Variants in ARSB observed in about 807,000 individuals in gnomAD.
ARSB encodes N-acetylgalactosamine-4-sulfatase.
Under a neutral mutation model 50.9 loss-of-function variants are expected in ARSB, and 41 were observed. The observed-to-expected ratio is 0.81, with a 90% confidence interval of 0.63 to 1.04. The LOEUF is 1.04. Ranked by LOEUF, ARSB falls within the 50% of genes least tolerant of loss-of-function variation. The pLI, the probability that ARSB is intolerant of heterozygous loss-of-function variation, is 0.00. For synonymous variants in ARSB, 269 were observed against 284.8 expected (o/e 0.94, Z 0.56); for missense variants, 672 against 693.3 (o/e 0.97, Z 0.35).
At chr5:78,966,375 T>C (rs1207193223) in intron 2 of ARSB, among the ~76,000 whole-genome samples, 1 of 150,292 alleles carries the variant, frequency 6.7e-6, no homozygotes, top group African/African-American at 2.4e-5. Flanking sequence ...AAATAGAAAA[T>C]GCTTCTTGAA....
At chr5:78,892,444 C>A (rs1193249319) in intron 4 of ARSB, among the ~76,000 whole-genome samples, 1 of 151,938 alleles carries the variant, frequency 6.6e-6, no homozygotes, top group African/African-American at 2.4e-5. Flanking sequence ...TTAGTGAAGA[C>A]AGGGTTTCGC....
intron 6 of ARSB, among the ~76,000 whole-genome samples, chr5:78,810,208 GC>G (rs1371178371): frequency 2.0e-5 from 3 of 152,218 alleles, no homozygotes; most frequent in Admixed American, 2.0e-4. Flanking sequence ...CGGGGACAGA[GC>G]CTGCTATTCA....
chr5:78,805,096 G>A (rs1195643419), intron 6 of ARSB, among the ~76,000 whole-genome samples: 5 of 152,346 alleles, frequency 3.3e-5, no homozygotes, highest in Middle Eastern at 3.4e-3. Context: ...ACACTGGAGA[G>A]TGAAACAGAG....
chr5:78,928,143 A>G (rs1157134981), intron 4 of ARSB, among the ~76,000 whole-genome samples: 1 of 151,992 alleles, frequency 6.6e-6, no homozygotes, highest in Admixed American at 6.6e-5. Context: ...ATGGGTCCAA[A>G]GGGCCTGGGA....
chr5:78,859,782 C>G (rs1013068937), intron 5 of ARSB, among the ~76,000 whole-genome samples: 10 of 152,038 alleles, frequency 6.6e-5, no homozygotes, highest in African/African-American at 2.4e-4. Context: ...TGCCTCCTCT[C>G]ACCCCGAATG....
At chr5:78,818,552 C>T (rs918795972) in intron 6 of ARSB, among the ~76,000 whole-genome samples, 7 of 151,122 alleles carry the variant, frequency 4.6e-5, no homozygotes, top group African/African-American at 1.7e-4. Flanking sequence ...TTTCAGAAAC[C>T]CCACTTTCCT....
chr5:78,969,262 C>G, intron 1 of ARSB, 70 bp from the exon 2 acceptor site: 1 of 1,519,480 alleles, frequency 6.6e-7, no homozygotes, highest in South Asian at 1.1e-5. Context: ...ATAAAATGGC[C>G]TTCTACCTTA....
chr5:78,809,896 A>G (rs772982303), intron 6 of ARSB, among the ~76,000 whole-genome samples: 7 of 152,080 alleles, frequency 4.6e-5, no homozygotes, highest in Non-Finnish European at 8.8e-5. Flanking sequence ...GGCCACAGAG[A>G]GGAATAGGGG....
At chr5:78,939,090 A>C (rs933184287) in intron 4 of ARSB, among the ~76,000 whole-genome samples, 6 of 152,046 alleles carry the variant, frequency 3.9e-5, no homozygotes, top group South Asian at 2.1e-4. Context: ...TGCTATGTGG[A>C]TTATGTGGGT....
chr5:78,893,746 T>C (rs1178981009), intron 4 of ARSB, among the ~76,000 whole-genome samples: 1 of 152,220 alleles, frequency 6.6e-6, no homozygotes, highest in Non-Finnish European at 1.5e-5. Context: ...TGCTCTCACT[T>C]AGGAGGTATG....
chr5:78,961,147 C>G (rs1751966066), intron 3 of ARSB, among the ~76,000 whole-genome samples: 2 of 152,074 alleles, frequency 1.3e-5, no homozygotes, highest in South Asian at 4.2e-4. Flanking sequence ...TGATTTTTAT[C>G]TTAGAACAAG....
chr5:78,933,145 C>A (rs1444634411), intron 4 of ARSB, among the ~76,000 whole-genome samples: 1 of 152,202 alleles, frequency 6.6e-6, no homozygotes, highest in African/African-American at 2.4e-5. Flanking sequence ...GCTCATCACA[C>A]AGAAGATGCT....
At chr5:78,949,325 T>C (rs1751396037) in intron 4 of ARSB, among the ~76,000 whole-genome samples, 1 of 152,244 alleles carries the variant, frequency 6.6e-6, no homozygotes, top group Admixed American at 6.5e-5. Flanking sequence ...TCTGTACTAA[T>C]GGACTCAACA....
Position 78,984,950 on chromosome 5 carries a change from G to T in ARSB, c.299C>A (p.Thr100Asn). The T allele has an allele frequency of 6.9e-7, 1 of 1,447,778 alleles. No homozygotes were observed. Among genetic ancestry groups the T allele is most frequent in the East Asian group, 2.9e-5 (1 of 34,620 alleles). The allele number at this position is 1,447,778 out of a possible 1,614,324, so 89.7% of individuals were successfully genotyped here. ...GGCGCCGCGTACCTGGTAGCGGCCA[G>T]TGAGCAGCTGGCTCCGCGACGGCGT... is the stretch of plus-strand genomic sequence containing the variant. ...LCTPSRSQLL[T>N]GRYQIRTGLQ... Residue 100 changes from threonine (T) to asparagine (N), a missense_variant, in exon 1 of 8, where the codon ACT becomes AAT. By Grantham distance (65) the Thr-to-Asn change is moderately conservative. Transcript: ENST00000264914.
chr5:78,808,890 G>A (rs1411626393), intron 6 of ARSB, among the ~76,000 whole-genome samples: 1 of 152,218 alleles, frequency 6.6e-6, no homozygotes, highest in African/African-American at 2.4e-5. Flanking sequence ...GGGGTGTCTA[G>A]GGCAGCACAC....
chr5:78,928,623 C>T (rs115267590), intron 4 of ARSB, among the ~76,000 whole-genome samples: 1 of 152,024 alleles, frequency 6.6e-6, no homozygotes, highest in Non-Finnish European at 1.5e-5. Context: ...GCTGCTTTTG[C>T]TATTTTTGTG....
chr5:78,849,664 T>C (rs1745652490), intron 5 of ARSB, among the ~76,000 whole-genome samples: 1 of 149,966 alleles, frequency 6.7e-6, no homozygotes, highest in Admixed American at 6.7e-5. Flanking sequence ...TATGGCCATT[T>C]TCACAATATT....
intron 4 of ARSB, among the ~76,000 whole-genome samples, chr5:78,924,380 T>C (rs58456446): frequency 0.015 from 2,344 of 152,312 alleles, 57 homozygotes; most frequent in African/African-American, 0.051. Context: ...GATTTAATCA[T>C]TGTGCTACAC....
chr5:78,804,174 T>C (rs1032512141), intron 6 of ARSB, among the ~76,000 whole-genome samples: 18 of 151,890 alleles, frequency 1.2e-4, no homozygotes, highest in Non-Finnish European at 2.6e-4. Flanking sequence ...CTCTCAGGAT[T>C]TGCAACTGCT....
Sources: allele counts gnomAD v4.1 joint callset (sites outside exome capture counted in the v4.1 genomes callset), GRCh38; gene constraint gnomAD v4.1.1; transcripts MANE v1.5; gene names NCBI Gene and HGNC (gene_info 2026-07-23, HGNC 2026-07-21).